The following EML1 variants were observed in gnomAD, a reference collection of about 807,000 sequenced individuals.
EML1 encodes EMAP like 1, also known as echinoderm microtubule-associated protein-like 1.
Under a neutral mutation model 110.4 loss-of-function variants are expected in EML1, and 27 were observed. The observed-to-expected ratio is 0.24, with a 90% CI of 0.18 to 0.34. EML1 has a LOEUF of 0.34. Among genes scored for constraint, EML1 ranks in the 10% least tolerant of loss-of-function variants. The pLI, the probability that EML1 is intolerant of heterozygous loss-of-function variation, is 1.00. For missense variants in EML1, 741 were observed against 1,030.9 expected (o/e 0.72, Z 3.85); for synonymous variants, 344 against 385.8 (o/e 0.89, Z 1.27).
intron 3 of EML1, among the ~76,000 whole-genome samples, chr14:99,869,017 G>A (rs902382055): frequency 1.3e-5 from 2 of 152,164 alleles, no homozygotes; most frequent in Non-Finnish European, 1.5e-5. Flanking sequence ...ATATGTCTCC[G>A]GATATTTTTA....
intron 3 of EML1, among the ~76,000 whole-genome samples, chr14:99,867,424 T>C (rs1374941961): frequency 6.6e-6 from 1 of 152,212 alleles, no homozygotes; most frequent in Admixed American, 6.5e-5. Flanking sequence ...TTGAGTAGCA[T>C]GGAGATTTTA....
At chr14:99,906,870 A>G (rs991709479) in intron 9 of EML1, 1 of 152,174 alleles carries the variant, frequency 6.6e-6, no homozygotes, top group African/African-American at 2.4e-5. Flanking sequence ...AACCATTTCA[A>G]CCACTTCAGA....
intron 3 of EML1, among the ~76,000 whole-genome samples, chr14:99,869,764 T>C (rs1399794736): frequency 3.3e-5 from 5 of 152,194 alleles, no homozygotes; most frequent in Non-Finnish European, 7.3e-5. Context: ...GTCTTCACAA[T>C]AAGTGAGTTC....
At chr14:99,798,742 C>T (rs998462399) in intron 1 of EML1, among the ~76,000 whole-genome samples, 1 of 152,146 alleles carries the variant, frequency 6.6e-6, no homozygotes, top group Non-Finnish European at 1.5e-5. Context: ...TTTCTTGTCA[C>T]ATCACATTAT....
chr14:99,861,635 C>T (rs1165789206), intron 2 of EML1, among the ~76,000 whole-genome samples: 5 of 152,112 alleles, frequency 3.3e-5, no homozygotes, highest in African/African-American at 4.8e-5. Flanking sequence ...GCGCATGTCA[C>T]CACGCCTGGC....
chr14:99,765,161 G>A (rs762811710), intron 1 of EML1, among the ~76,000 whole-genome samples: 19 of 151,994 alleles, frequency 1.3e-4, no homozygotes, highest in South Asian at 2.1e-4. Context: ...GGCTGGTGTC[G>A]AATTCCTGGG....
At chr14:99,791,409 C>T (rs1451373215), upstream of EML1, among the ~76,000 whole-genome samples, 1 of 152,232 alleles carries the variant, frequency 6.6e-6, no homozygotes, top group Non-Finnish European at 1.5e-5. Context: ...TCTGACCATT[C>T]CTTCGGAATG....
intron 17 of EML1, among the ~76,000 whole-genome samples, chr14:99,924,073 A>G (rs1448064729): frequency 6.6e-6 from 1 of 152,246 alleles, no homozygotes; most frequent in Non-Finnish European, 1.5e-5. Flanking sequence ...TCATGAGCAA[A>G]GACTGTCTCT....
At chr14:99,779,031 C>T (rs2057512388) in intron 1 of EML1, among the ~76,000 whole-genome samples, 1 of 152,164 alleles carries the variant, frequency 6.6e-6, no homozygotes. Flanking sequence ...ATGTGCTGGG[C>T]ACTCAGTAGG....
upstream of EML1, chr14:99,793,316 C>G (rs956003071): frequency 1.0e-6 from 1 of 980,108 alleles, no homozygotes; most frequent in Non-Finnish European, 1.2e-6. Flanking sequence ...GCTGCGGCGG[C>G]GGCGGCGGGC....
chr14:99,785,313 C>G (rs2057586826), intron 1 of EML1, among the ~76,000 whole-genome samples: 1 of 152,196 alleles, frequency 6.6e-6, no homozygotes, highest in African/African-American at 2.4e-5. Context: ...CCTTGGCCTC[C>G]CAAAGTGTTG....
intron 9 of EML1, among the ~76,000 whole-genome samples, chr14:99,906,010 G>T (rs957263156): frequency 6.6e-6 from 1 of 152,082 alleles, no homozygotes; most frequent in East Asian, 1.9e-4. Flanking sequence ...TCATCCCTTT[G>T]GGGTTCACCA....
chr14:99,780,467 G>A (rs2057527352), intron 1 of EML1, among the ~76,000 whole-genome samples: 1 of 152,126 alleles, frequency 6.6e-6, no homozygotes, highest in Non-Finnish European at 1.5e-5. Flanking sequence ...CTATTTTCCA[G>A]TTTGAAGTTG....
chr14:99,789,855 G>A (rs2057643829), upstream of EML1, among the ~76,000 whole-genome samples: 1 of 152,076 alleles, frequency 6.6e-6, no homozygotes, highest in Non-Finnish European at 1.5e-5. Flanking sequence ...AACATTTTTG[G>A]TGCTCAGGAT....
At chr14:99,836,098 T>C (rs1025308704) in intron 1 of EML1, among the ~76,000 whole-genome samples, 18 of 152,340 alleles carry the variant, frequency 1.2e-4, no homozygotes, top group African/African-American at 4.3e-4. Context: ...TGGGAATGCA[T>C]TGAATCTGTA....
At chr14:99,919,425 G>GACACACACACAC (rs376238109) in intron 16 of EML1, among the ~76,000 whole-genome samples, 4 of 97,466 alleles carry the variant, frequency 4.1e-5, no homozygotes, top group East Asian at 5.4e-4. Context: ...CATGCACACA[G>GACACACACACAC]ACACACACAC....
chr14:99,934,455 G>A (rs1017838681), intron 17 of EML1, among the ~76,000 whole-genome samples: 3 of 152,228 alleles, frequency 2.0e-5, no homozygotes, highest in Non-Finnish European at 2.9e-5. Context: ...TCCCTGAGGC[G>A]CCAGGCCACC....
At chr14:99,763,222 C>A (rs1374278984) in intron 1 of EML1, among the ~76,000 whole-genome samples, 1 of 152,214 alleles carries the variant, frequency 6.6e-6, no homozygotes, top group Non-Finnish European at 1.5e-5. Context: ...GTCCATTAAA[C>A]CACTTTCTTT....
chr14:99,922,455 A>G (rs1387984862), intron 17 of EML1, among the ~76,000 whole-genome samples: 1 of 152,062 alleles, frequency 6.6e-6, no homozygotes, highest in East Asian at 1.9e-4. Context: ...TATTATTATT[A>G]ATAATGCTAT....
Sources: allele counts gnomAD v4.1 joint callset (sites outside exome capture counted in the v4.1 genomes callset), GRCh38; gene constraint gnomAD v4.1.1; transcripts MANE v1.5; gene names NCBI Gene and HGNC (gene_info 2026-07-23, HGNC 2026-07-21).